AK8: variants seen among roughly 807,000 people sequenced by gnomAD.
AK8 encodes the protein adenylate kinase 8.
In AK8, 44 loss-of-function variants were observed where a neutral mutation model predicts 54.6. The ratio of observed to expected loss-of-function variants is 0.81; its 90% CI spans 0.63 to 1.04. The LOEUF (loss-of-function observed/expected upper bound fraction) is 1.04. Among genes scored for constraint, AK8 ranks in the 50% least tolerant of loss-of-function variants. The pLI, the probability that AK8 is intolerant of heterozygous loss-of-function variation, is 0.00. For synonymous variants in AK8, 239 were observed against 245.6 expected, an observed-to-expected ratio of 0.97 and a Z score of 0.25; for missense variants, 555 against 613.6, an observed-to-expected ratio of 0.90 and a Z score of 1.01.
chr9:132,877,917 G>T, intron 1 of AK8: 2 of 866,072 alleles, frequency 2.3e-6, no homozygotes, highest in Non-Finnish European at 3.7e-6. Flanking sequence ...GGCACAGCCA[G>T]GACCAAATCC....
intron 9 of AK8, among the ~76,000 whole-genome samples, chr9:132,815,623 C>T (rs1177353297): frequency 3.9e-5 from 6 of 152,202 alleles, no homozygotes; most frequent in Non-Finnish European, 5.9e-5. Flanking sequence ...GCGGCTGCCC[C>T]GCTCTGGACA....
chr9:132,858,116 C>T (rs897297618), intron 4 of AK8, among the ~76,000 whole-genome samples: 14 of 152,236 alleles, frequency 9.2e-5, no homozygotes, highest in African/African-American at 3.1e-4. Flanking sequence ...TCTCCCTGCT[C>T]GGTGGCACCG....
chr9:132,749,844 AAC>A (rs1174717109), intron 11 of AK8, among the ~76,000 whole-genome samples: 1 of 151,896 alleles, frequency 6.6e-6, no homozygotes, highest in Non-Finnish European at 1.5e-5. Flanking sequence ...GAGCCACCAG[AAC>A]CGGCGCAGAG....
At chr9:132,871,303 A>C (rs1346869150) in intron 2 of AK8, among the ~76,000 whole-genome samples, 2 of 152,132 alleles carry the variant, frequency 1.3e-5, no homozygotes, top group African/African-American at 4.8e-5. Flanking sequence ...CAAGCAGGGT[A>C]GTCTCCCCTG....
intron 11 of AK8, among the ~76,000 whole-genome samples, chr9:132,783,326 G>A (rs1050083561): frequency 1.3e-5 from 2 of 152,176 alleles, no homozygotes; most frequent in Non-Finnish European, 2.9e-5. Flanking sequence ...GAGCCTCCAG[G>A]AAGGAATGCA....
intron 11 of AK8, among the ~76,000 whole-genome samples, chr9:132,786,901 G>A (rs1023577715): frequency 6.6e-6 from 1 of 151,684 alleles, no homozygotes; most frequent in Non-Finnish European, 1.5e-5. Context: ...ATTTTCAAGA[G>A]ATAAAAAAAC....
chr9:132,752,380 G>A (rs1448772068), intron 11 of AK8, among the ~76,000 whole-genome samples: 1 of 151,632 alleles, frequency 6.6e-6, no homozygotes, highest in African/African-American at 2.4e-5. Context: ...CTCCCGAGCA[G>A]CTGGGACTAT....
chr9:132,782,936 A>G (rs1311722764), intron 11 of AK8, among the ~76,000 whole-genome samples: 1 of 152,198 alleles, frequency 6.6e-6, no homozygotes, highest in Non-Finnish European at 1.5e-5. Flanking sequence ...AACTCTAGGG[A>G]TATAATTCAG....
intron 11 of AK8, among the ~76,000 whole-genome samples, chr9:132,733,277 C>T (rs941418840): frequency 3.9e-5 from 6 of 151,960 alleles, no homozygotes; most frequent in Non-Finnish European, 7.4e-5. Context: ...GTGCAGGTGT[C>T]GCAGCGGCTT....
At position 132,764,813 on chromosome 9, in the gene AK8, T is replaced by C. The variant is rs539683229; in HGVS notation, c.1121+27821A>G. Among the ~76,000 whole-genome samples, 3 of 152,282 alleles carry C rather than the reference T, an allele frequency of 2.0e-5. No individual in the cohort carries two copies. The East Asian group carries it at 5.8e-4, about 29-fold the overall frequency. ...AACCTAATACCATTTCTTCTCAAAC[T>C]TTTCTACAAAATAGAAGAGGAGGTA... On this transcript the variant is annotated intron_variant, in intron 11 of 12. Transcript: ENST00000298545.
At chr9:132,796,258 C>G (rs960758853) in intron 10 of AK8, among the ~76,000 whole-genome samples, 2 of 152,176 alleles carry the variant, frequency 1.3e-5, no homozygotes, top group Admixed American at 1.3e-4. Context: ...CACTTACGAA[C>G]CAATACAAAG....
chr9:132,868,721 G>A (rs1843694722), intron 2 of AK8, among the ~76,000 whole-genome samples: 1 of 152,202 alleles, frequency 6.6e-6, no homozygotes, highest in Non-Finnish European at 1.5e-5. Context: ...CCAGAACTGT[G>A]AGGAGCCACA....
chr9:132,735,019 A>G (rs1837031258), intron 11 of AK8, among the ~76,000 whole-genome samples: 1 of 152,206 alleles, frequency 6.6e-6, no homozygotes, highest in African/African-American at 2.4e-5. Context: ...CGACAAAGCA[A>G]GACTCCATCT....
intron 5 of AK8, among the ~76,000 whole-genome samples, chr9:132,848,618 C>T (rs1314665667): frequency 2.6e-5 from 4 of 152,206 alleles, no homozygotes; most frequent in South Asian, 2.1e-4. Flanking sequence ...CCATCACAAC[C>T]CTTCTCACCA....
At chr9:132,869,352 G>A (rs539249477) in intron 2 of AK8, among the ~76,000 whole-genome samples, 2 of 152,198 alleles carry the variant, frequency 1.3e-5, no homozygotes, top group Non-Finnish European at 2.9e-5. Flanking sequence ...AGTGCTGCCC[G>A]TGCCCATGAT....
intron 11 of AK8, among the ~76,000 whole-genome samples, chr9:132,745,597 C>T (rs1590186114): frequency 1.3e-5 from 2 of 152,142 alleles, no homozygotes; most frequent in East Asian, 1.9e-4. Context: ...CTTCGGGACA[C>T]TAATTCCGGA....
Position 132,740,842 on chromosome 9 carries a change from T to C in AK8, c.1122-13308A>G, listed in dbSNP as rs551348581. 4.6e-5 allele frequency among the ~76,000 whole-genome samples: 7 copies of C among 152,346 alleles called. No homozygotes were observed. In the East Asian group the frequency reaches 1.2e-3, roughly 25 times the overall value. ...CTCCAGGGCTGCACTCCTCATCAGA[T>C]GCATTTGGCTCCTTCGCTGATGGAT... On this transcript the variant is annotated intron_variant, in intron 11 of 12. Coordinates refer to ENST00000298545, the MANE Select transcript of AK8 (RefSeq NM_152572.3).
In AK8 at chr9:132,846,507, GAAT is replaced by G. The variant is rs1426349461; in HGVS notation, c.402+8347_402+8349del. Among the ~76,000 whole-genome samples the G allele has an allele frequency of 0.03, 7 of 234 alleles. No homozygotes were observed. In the East Asian group the frequency reaches 0.33, roughly 11 times the overall value. The allele number at this position is 234 out of a possible 152,430, so 0.2% of individuals were successfully genotyped here. On this transcript the variant is annotated intron_variant, in intron 5 of 12. Transcript: ENST00000298545. The stretch of plus-strand genomic sequence containing the variant: ...TGATTTGTTGCATGAGAGAATAGAT[GAAT>G]GAATGAATGAATGAATGAATGAATG...
chr9:132,832,361 C>G (rs1459535257), intron 5 of AK8, among the ~76,000 whole-genome samples: 1 of 151,904 alleles, frequency 6.6e-6, no homozygotes, highest in Non-Finnish European at 1.5e-5. Flanking sequence ...CGCCGGGCTG[C>G]AGCTCTTAGA....
Sources: gnomAD v4.1 joint callset for allele counts (sites outside exome capture counted in the v4.1 genomes callset) on GRCh38, gnomAD v4.1.1 for gene constraint, MANE v1.5 for transcripts, NCBI Gene and HGNC (gene_info 2026-07-23, HGNC 2026-07-21) for gene names.